Variants in PLEKHA2 observed in about 807,000 individuals in gnomAD.
PLEKHA2 encodes pleckstrin homology domain-containing family A member 2.
PLEKHA2 carries 28 observed loss-of-function variants against 53.2 expected under a neutral mutation model. The ratio of observed to expected loss-of-function variants is 0.53; its 90% CI spans 0.39 to 0.72. The LOEUF (loss-of-function observed/expected upper bound fraction) is 0.72, where lower values mean the gene tolerates loss of function less well. PLEKHA2 is among the 30% of genes least tolerant of loss of function. PLEKHA2 has a pLI of 0.00. For synonymous variants in PLEKHA2, 193 were observed against 196.4 expected, an observed-to-expected ratio of 0.98 and a Z score of 0.14; for missense variants, 426 against 537.9, an observed-to-expected ratio of 0.79 and a Z score of 2.06.
chr8:38,929,740 G>A (rs895132709), intron 2 of PLEKHA2, among the ~76,000 whole-genome samples: 1 of 152,228 alleles, frequency 6.6e-6, no homozygotes, highest in Non-Finnish European at 1.5e-5. Flanking sequence ...CCAGATTGAT[G>A]TTAGGAGTTT....
chr8:38,912,251 C>T (rs1280597264), intron 1 of PLEKHA2, among the ~76,000 whole-genome samples: 1 of 152,142 alleles, frequency 6.6e-6, no homozygotes, highest in Non-Finnish European at 1.5e-5. Flanking sequence ...TTGAAGTGTG[C>T]CGAGATGGCT....
intron 5 of PLEKHA2, among the ~76,000 whole-genome samples, chr8:38,946,661 G>A (rs891357743): frequency 3.9e-5 from 6 of 152,194 alleles, no homozygotes; most frequent in Non-Finnish European, 5.9e-5. Context: ...CAAGCCATCC[G>A]CCTCCCTGTC....
At chr8:38,935,181 A>T (rs181505444) in intron 2 of PLEKHA2, among the ~76,000 whole-genome samples, 1 of 151,692 alleles carries the variant, frequency 6.6e-6, no homozygotes, top group Non-Finnish European at 1.5e-5. Context: ...GCCCGGCTCT[A>T]TATTTTTAGC....
At chr8:38,968,777 G>A in intron 11 of PLEKHA2, 108 bp downstream of exon 11, 1 of 1,028,586 alleles carries the variant, frequency 9.7e-7, no homozygotes, top group Non-Finnish European at 1.5e-6. Context: ...CCGAGGTGCA[G>A]CTGAAGCCCC....
chr8:38,917,938 T>G lies in PLEKHA2; in HGVS notation c.9T>G (p.Tyr3Ter). The part of the protein sequence containing the change: MP[Y>*]VDRQNRICGF... ...GTGAGCAGAGCCCAGGAATGCCTTA[T>G]GTGGATCGGCAGAACCGAATCTGTG... Residue 3 changes from tyrosine to a stop codon, truncating the protein, a stop_gained, in exon 2 of 12, where the codon TAT (tyrosine) becomes TAG (stop). Transcript: ENST00000617275. LOFTEE classifies it high-confidence loss of function. 1.2e-6 allele frequency: 2 copies of G among 1,613,620 alleles called. No individual in the cohort carries two copies. The highest frequency in any genetic ancestry group is 1.7e-6 in the Non-Finnish European group (2 of 1,179,656).
intron 10 of PLEKHA2, among the ~76,000 whole-genome samples, chr8:38,965,267 T>C (rs750707944): frequency 1.1e-4 from 17 of 152,256 alleles, no homozygotes; most frequent in Non-Finnish European, 2.4e-4. Flanking sequence ...TGTGTGACAG[T>C]TCCTGGAGAA....
intron 3 of PLEKHA2, among the ~76,000 whole-genome samples, chr8:38,939,814 A>G (rs1452987868): frequency 1.3e-5 from 2 of 152,172 alleles, no homozygotes; most frequent in Non-Finnish European, 2.9e-5. Context: ...GGTTGGGCAT[A>G]GTGACTCATG....
At chr8:38,931,994 T>TC (rs1588250221) in intron 2 of PLEKHA2, among the ~76,000 whole-genome samples, 1 of 152,162 alleles carries the variant, frequency 6.6e-6, no homozygotes, top group Non-Finnish European at 1.5e-5. Context: ...TCTCTTTTTT[T>TC]CTTTTTAATA....
chr8:38,945,167 G>A (rs114250287), intron 4 of PLEKHA2, among the ~76,000 whole-genome samples: 3,553 of 152,330 alleles, frequency 0.023, 49 homozygotes, highest in Middle Eastern at 0.054. Flanking sequence ...TGTTCTCACA[G>A]CTGTGCTAAG....
rs112146378 is a variant in PLEKHA2, at chr8:38,930,186, CTTTATTTA to C, written c.142-5784_142-5777del. Among the ~76,000 whole-genome samples, 868 of 150,588 alleles carry C rather than the reference CTTTATTTA, an allele frequency of 5.8e-3. 10 individuals are homozygous for C. Among genetic ancestry groups the C allele is most frequent in the African/African-American group, 0.019 (767 of 41,238 alleles). ...GCATTGTCTGCATAAAACCACCTATCTTTATTTATTTATTTATTTATTTATTTATTTTT... is the reference window on the plus strand; with the variant it reads ...GCATTGTCTGCATAAAACCACCTATCTTTATTTATTTATTTATTTATTTTT... On this transcript the variant is annotated intron_variant, in intron 2 of 11. Coordinates refer to ENST00000617275, the MANE Select transcript of PLEKHA2 (RefSeq NM_021623.2).
chr8:38,915,315 A>G (rs1834039359), intron 1 of PLEKHA2, among the ~76,000 whole-genome samples: 1 of 152,220 alleles, frequency 6.6e-6, no homozygotes, highest in African/African-American at 2.4e-5. Flanking sequence ...TCAGGCCATC[A>G]TAAACAAGGA....
intron 2 of PLEKHA2, among the ~76,000 whole-genome samples, chr8:38,933,790 A>AAAAAGAAAG (rs1554557188): frequency 5.5e-5 from 5 of 90,662 alleles, no homozygotes; most frequent in African/African-American, 1.9e-4. Flanking sequence ...AAAAAAAAAA[A>AAAAAGAAAG]AAAAGAAAAG....
In PLEKHA2 at chr8:38,972,696, C is replaced by T. The variant is rs1197241850; in HGVS notation, c.*2913C>T. ...TTAGTTTTAAATGTATAAAATTGAA[C>T]CAAATGGAAAAAATAGGTTGGGGAT... is the stretch of plus-strand genomic sequence containing the variant. On this transcript the variant is annotated 3_prime_UTR_variant, in exon 12 of 12. Coordinates refer to ENST00000617275, the MANE Select transcript of PLEKHA2 (RefSeq NM_021623.2). 1 of 151,188 alleles carries T rather than the reference C, an allele frequency of 6.6e-6. No homozygotes were observed. The highest frequency in any genetic ancestry group is 6.6e-5 in the Admixed American group (1 of 15,192). The allele number at this position is 151,188 out of a possible 1,614,324, so 9.4% of individuals were successfully genotyped here.
At chr8:38,938,094 C>T (rs528980909) in intron 3 of PLEKHA2, among the ~76,000 whole-genome samples, 2 of 152,326 alleles carry the variant, frequency 1.3e-5, no homozygotes, top group East Asian at 1.9e-4. Context: ...TGCACTTTGA[C>T]CCCTGCCTCC....
intron 1 of PLEKHA2, among the ~76,000 whole-genome samples, chr8:38,913,370 G>GAAAA (rs35218067): frequency 7.4e-6 from 1 of 134,406 alleles, no homozygotes; most frequent in African/African-American, 2.8e-5. Context: ...TCTCAAAAAG[G>GAAAA]AAAAAAAAAA....
At chr8:38,950,245 G>A (rs1411184217) in intron 5 of PLEKHA2, among the ~76,000 whole-genome samples, 4 of 151,876 alleles carry the variant, frequency 2.6e-5, no homozygotes, top group African/African-American at 9.7e-5. Flanking sequence ...TGTTCCCCAG[G>A]CTGGTCTTGA....
chr8:38,924,085 C>T (rs1030967158), intron 2 of PLEKHA2, among the ~76,000 whole-genome samples: 1 of 152,124 alleles, frequency 6.6e-6, no homozygotes, highest in African/African-American at 2.4e-5. Flanking sequence ...CTCCTGACCT[C>T]AGGTGATCCA....
intron 5 of PLEKHA2, chr8:38,950,582 T>C (rs1245673771): frequency 8.8e-6 from 3 of 340,118 alleles, no homozygotes; most frequent in African/African-American, 4.2e-5. Flanking sequence ...CTTGACACTT[T>C]ATCTTTGGTT....
intron 6 of PLEKHA2, among the ~76,000 whole-genome samples, chr8:38,951,547 G>A (rs566731684): frequency 5.5e-4 from 75 of 135,674 alleles, no homozygotes; most frequent in Non-Finnish European, 9.7e-4. Context: ...ACATAATCAC[G>A]GCTTATTGCA....
Sources: allele counts gnomAD v4.1 joint callset (sites outside exome capture counted in the v4.1 genomes callset), GRCh38; gene constraint gnomAD v4.1.1; transcripts MANE v1.5; gene names NCBI Gene and HGNC (gene_info 2026-07-23, HGNC 2026-07-21).